The following SHLD1 variants were observed in gnomAD, a reference collection of about 807,000 sequenced individuals.
SHLD1 encodes shieldin complex subunit 1, also known as RINN1-REV7-interacting novel NHEJ regulator 3.
Under a neutral mutation model 5.5 loss-of-function variants are expected in SHLD1, and 3 were observed. That is an observed-to-expected ratio of 0.54 (90% CI 0.25 to 1.40). The LOEUF (loss-of-function observed/expected upper bound fraction) is 1.40, where lower values mean the gene tolerates loss of function less well. Among genes scored for constraint, SHLD1 ranks in the 40% most tolerant of loss-of-function variants. The pLI is 0.15. For synonymous variants in SHLD1, 92 were observed against 94.3 expected, an observed-to-expected ratio of 0.98 and a Z score of 0.14; for missense variants, 210 against 244.4, an observed-to-expected ratio of 0.86 and a Z score of 0.94.
intron 2 of SHLD1, among the ~76,000 whole-genome samples, chr20:5,822,423 C>T (rs2087616267): frequency 6.6e-6 from 1 of 152,118 alleles, no homozygotes; most frequent in South Asian, 2.1e-4. Context: ...CGCACCACTG[C>T]ACTCCAGCCT....
chr20:5,852,735 C>T (rs897365107), intron 2 of SHLD1, among the ~76,000 whole-genome samples: 3 of 152,216 alleles, frequency 2.0e-5, no homozygotes, highest in African/African-American at 7.2e-5. Context: ...CAGGCGTGAG[C>T]CACTGCATCT....
chr20:5,764,209 TTGTG>T (rs57518537), intron 1 of SHLD1, among the ~76,000 whole-genome samples: 8 of 81,388 alleles, frequency 9.8e-5, no homozygotes, highest in South Asian at 3.5e-4. Flanking sequence ...ATATATATAT[TTGTG>T]TGTGTGTATA....
intron 2 of SHLD1, among the ~76,000 whole-genome samples, chr20:5,844,782 TATATATATATATATATA>T (rs2087907651): frequency 9.8e-6 from 1 of 101,910 alleles, no homozygotes; most frequent in African/African-American, 5.3e-5. Flanking sequence ...TATATATATA[TATATATATATATATATA>T]TTTTTTTTTT....
intron 2 of SHLD1, among the ~76,000 whole-genome samples, chr20:5,839,489 A>ATAGG (rs1188795093): frequency 8.5e-5 from 8 of 94,442 alleles, no homozygotes; most frequent in African/African-American, 3.9e-4. Flanking sequence ...AGATAGAAAG[A>ATAGG]TAGATAGATA....
intron 2 of SHLD1, among the ~76,000 whole-genome samples, chr20:5,847,607 G>C (rs2087947593): frequency 6.6e-6 from 1 of 152,192 alleles, no homozygotes; most frequent in Non-Finnish European, 1.5e-5. Flanking sequence ...TCAATAATAT[G>C]AATAAGCAGT....
intron 2 of SHLD1, among the ~76,000 whole-genome samples, chr20:5,807,629 C>G (rs147665366): frequency 6.6e-6 from 1 of 152,278 alleles, no homozygotes; most frequent in Non-Finnish European, 1.5e-5. Context: ...ACCTCAGCCT[C>G]CTGAGTCACT....
intron 2 of SHLD1, among the ~76,000 whole-genome samples, chr20:5,809,817 GT>G (rs1289132072): frequency 6.6e-6 from 1 of 152,062 alleles, no homozygotes; most frequent in East Asian, 1.9e-4. Context: ...GCACAGAATA[GT>G]TCCCCCACCC....
chr20:5,789,404 C>T (rs1487132032), intron 2 of SHLD1, among the ~76,000 whole-genome samples: 1 of 151,704 alleles, frequency 6.6e-6, no homozygotes, highest in African/African-American at 2.4e-5. Context: ...TGGTGAAACC[C>T]TGTCTCTACT....
chr20:5,755,206 T>C (rs1198323101), intron 1 of SHLD1, among the ~76,000 whole-genome samples: 2 of 152,158 alleles, frequency 1.3e-5, no homozygotes, highest in Non-Finnish European at 2.9e-5. Flanking sequence ...AAGAGGCTTC[T>C]GGATGAGACC....
At chr20:5,860,977 T>C (rs1190360661) in intron 2 of SHLD1, among the ~76,000 whole-genome samples, 2 of 150,528 alleles carry the variant, frequency 1.3e-5, no homozygotes, top group East Asian at 2.0e-4. Context: ...ATCCCTGCTA[T>C]CGAATTTTTT....
chr20:5,827,589 C>T (rs2087681571), intron 2 of SHLD1, among the ~76,000 whole-genome samples: 1 of 152,142 alleles, frequency 6.6e-6, no homozygotes, highest in African/African-American at 2.4e-5. Context: ...TCCTCCCCTG[C>T]CATTCTGCCA....
At chr20:5,862,892 T>C in intron 2 of SHLD1, 132 bp from the exon 3 acceptor site, 2 of 772,944 alleles carry the variant, frequency 2.6e-6, no homozygotes, top group South Asian at 1.9e-5. Context: ...TGAAATCAGC[T>C]GATATTTCCC....
intron 2 of SHLD1, among the ~76,000 whole-genome samples, chr20:5,833,838 C>G (rs1269994105): frequency 6.6e-6 from 1 of 152,042 alleles, no homozygotes; most frequent in Non-Finnish European, 1.5e-5. Context: ...AATAGTTGTC[C>G]AGAAAAGAGA....
chr20:5,767,122 A>ATTTTCTTTTCTTTTCTTTTC (rs60269759), intron 1 of SHLD1, among the ~76,000 whole-genome samples: 3 of 149,214 alleles, frequency 2.0e-5, no homozygotes, highest in Non-Finnish European at 3.0e-5. Flanking sequence ...CTCCATTCAC[A>ATTTTCTTTTCTTTTCTTTTC]TTTTCTTTTC....
intron 2 of SHLD1, among the ~76,000 whole-genome samples, chr20:5,813,593 A>C (rs1490256652): frequency 1.3e-5 from 2 of 152,228 alleles, no homozygotes; most frequent in Non-Finnish European, 2.9e-5. Flanking sequence ...TGAAGAAAGG[A>C]AAGCAGTGTT....
At chr20:5,754,012 C>T (rs1351336598) in intron 1 of SHLD1, among the ~76,000 whole-genome samples, 2 of 152,160 alleles carry the variant, frequency 1.3e-5, no homozygotes, top group African/African-American at 4.8e-5. Flanking sequence ...CGCAGACAAA[C>T]GACGCCGCTT....
chr20:5,811,255 G>C (rs1410372654), intron 2 of SHLD1, among the ~76,000 whole-genome samples: 1 of 152,102 alleles, frequency 6.6e-6, no homozygotes, highest in African/African-American at 2.4e-5. Context: ...GATGTTTCCA[G>C]GACTCCCTTA....
intron 2 of SHLD1, among the ~76,000 whole-genome samples, chr20:5,815,625 T>C (rs1453930115): frequency 6.6e-6 from 1 of 152,162 alleles, no homozygotes; most frequent in Non-Finnish European, 1.5e-5. Context: ...GCCTAAAATA[T>C]TTACTATCTG....
chr20:5,844,868 C>T (rs1478421187), intron 2 of SHLD1, among the ~76,000 whole-genome samples: 1 of 144,864 alleles, frequency 6.9e-6, no homozygotes, highest in East Asian at 2.1e-4. Flanking sequence ...GATCTCGGTT[C>T]ACTGCAACCT....
Sources: allele counts gnomAD v4.1 joint callset (sites outside exome capture counted in the v4.1 genomes callset), GRCh38; gene constraint gnomAD v4.1.1; transcripts MANE v1.5; gene names NCBI Gene and HGNC (gene_info 2026-07-23, HGNC 2026-07-21).